The following DNAAF1 variants were observed in gnomAD, a reference collection of about 807,000 sequenced individuals.
The protein encoded by DNAAF1 is dynein assembly factor 1, axonemal.
In DNAAF1, 65 loss-of-function variants were observed where a neutral mutation model predicts 71.1. That is an observed-to-expected ratio of 0.91 (90% CI 0.75 to 1.12). DNAAF1 has a LOEUF of 1.12. Ranked by LOEUF, DNAAF1 falls within the 50% of genes most tolerant of loss-of-function variation. The pLI is 0.00. For missense variants in DNAAF1, 1,178 were observed against 899.8 expected (o/e 1.31, Z -3.96); for synonymous variants, 414 against 354.6 (o/e 1.17, Z -1.88).
chr16:84,152,395 G>C (rs563936286), intron 3 of DNAAF1, among the ~76,000 whole-genome samples: 1 of 152,300 alleles, frequency 6.6e-6, no homozygotes, highest in African/African-American at 2.4e-5. Flanking sequence ...GCTCACGCCT[G>C]TGATCCCAGC....
At chr16:84,176,497 CTGGG>C in intron 11 of DNAAF1, 198 bp downstream of exon 11, 2 of 844,252 alleles carry the variant, frequency 2.4e-6, no homozygotes, top group Non-Finnish European at 3.7e-6. Context: ...GGTAGCCAGC[CTGGG>C]CCAGGAAGCC....
At chr16:84,169,498 C>T (rs1306800551) in intron 7 of DNAAF1, among the ~76,000 whole-genome samples, 1 of 152,066 alleles carries the variant, frequency 6.6e-6, no homozygotes, top group Non-Finnish European at 1.5e-5. Context: ...TGGCTCACTG[C>T]AGCCTCCACC....
chr16:84,176,757 A>G (rs1469033863), intron 11 of DNAAF1: 1 of 252,486 alleles, frequency 4.0e-6, no homozygotes, highest in Admixed American at 4.7e-5. Context: ...ACAGTGACCC[A>G]GGCCCGGGTG....
chr16:84,161,683 A>G (rs2087723257), intron 6 of DNAAF1, among the ~76,000 whole-genome samples: 1 of 151,392 alleles, frequency 6.6e-6, no homozygotes, highest in Non-Finnish European at 1.5e-5. Context: ...CTGGCATTGA[A>G]TCTTAATCCA....
At chr16:84,159,229 A>G in intron 5 of DNAAF1, 1 of 1,055,996 alleles carries the variant, frequency 9.5e-7, no homozygotes, top group Non-Finnish European at 1.1e-6. Flanking sequence ...GGCACTCCCC[A>G]TCCTTTCCCT....
chr16:84,150,836 A>G (rs1217126007), intron 3 of DNAAF1, among the ~76,000 whole-genome samples: 1 of 150,528 alleles, frequency 6.6e-6, no homozygotes, highest in East Asian at 2.0e-4. Context: ...CTGGTCTCAA[A>G]CTCCTGAACC....
intron 9 of DNAAF1, chr16:84,173,156 A>G: frequency 2.0e-6 from 2 of 986,014 alleles, no homozygotes; most frequent in Non-Finnish European, 2.4e-6. Flanking sequence ...AGAATTTCAC[A>G]TGGCCCAGTA....
chr16:84,173,420 C>G lies in DNAAF1; in HGVS notation c.1644+1045C>G, dbSNP rs1052382351. The stretch of plus-strand genomic sequence containing the variant: ...TGGAGCTTGCAGTGAGCCGAGATCA[C>G]GCCACTGCACTCCAACCTGGGCGAC... On this transcript the variant is annotated intron_variant, in intron 9 of 11. Coordinates refer to ENST00000378553, the MANE Select transcript of DNAAF1 (RefSeq NM_178452.6). 16 of 883,156 alleles carry G rather than the reference C, an allele frequency of 1.8e-5. No homozygotes were observed. The Admixed American group carries it at 8.1e-4, about 45-fold the overall frequency. 54.7% of individuals were successfully genotyped at this position (883,156 alleles called of 1,614,324 possible).
At chr16:84,172,546 G>A (rs1002401903) in intron 9 of DNAAF1, 171 bp downstream of exon 9, 7 of 1,447,184 alleles carry the variant, frequency 4.8e-6, no homozygotes, top group Non-Finnish European at 6.4e-6. Flanking sequence ...CCTCACCCCA[G>A]GCCCACTGAT....
Position 84,145,369 on chromosome 16 carries a change from G to C in DNAAF1, c.-72G>C. The C allele has an allele frequency of 1.3e-6, 2 of 1,547,930 alleles. No homozygotes were observed. The highest frequency in any genetic ancestry group is 2.4e-5 in the South Asian group (2 of 84,192). On this transcript the variant is annotated 5_prime_UTR_variant, in exon 1 of 12. Transcript: ENST00000378553. ...AAGAGGGTACTCTCTGGCTGGGCTG[G>C]GGCCGTAGCGACGTCCGCCGCGAAC...
intron 5 of DNAAF1, among the ~76,000 whole-genome samples, chr16:84,156,654 C>G (rs1428549660): frequency 6.6e-6 from 1 of 152,172 alleles, no homozygotes; most frequent in Admixed American, 6.6e-5. Flanking sequence ...ATGAGTCACA[C>G]AATGACAACT....
At chr16:84,167,173 A>G (rs1238353985) in intron 7 of DNAAF1, among the ~76,000 whole-genome samples, 1 of 152,162 alleles carries the variant, frequency 6.6e-6, no homozygotes. Context: ...GAGAACACTT[A>G]TATTTTCTGG....
chr16:84,167,128 T>C (rs2088052294), intron 7 of DNAAF1, among the ~76,000 whole-genome samples: 1 of 152,110 alleles, frequency 6.6e-6, no homozygotes, highest in South Asian at 2.1e-4. Context: ...TCTCTTTGGG[T>C]TTGATAATTT....
chr16:84,158,516 G>A (rs1433602375), intron 5 of DNAAF1, among the ~76,000 whole-genome samples: 1 of 152,156 alleles, frequency 6.6e-6, no homozygotes, highest in Non-Finnish European at 1.5e-5. Flanking sequence ...CTGAGGGTTT[G>A]GACTTTAACA....
chr16:84,154,731 G>C lies in DNAAF1; in HGVS notation c.507G>C (p.Leu169=), dbSNP rs370128838. The change falls in exon 4 of 12, where the codon CTG becomes CTC. Residue 169 remains leucine, a synonymous_variant. Coordinates refer to ENST00000378553, the MANE Select transcript of DNAAF1 (RefSeq NM_178452.6). ...QMNLLRKIEN[L]EPLQKLDALN... is the part of the protein sequence containing the mutation. ...ACTTGCTCCGTAAAATTGAGAACCT[G>C]GAACCTCTGCAGAAACTGGATGCTC... 2.2e-4 allele frequency: 352 copies of C among 1,613,930 alleles called. No homozygotes were observed. Among genetic ancestry groups the C allele is most frequent in the Non-Finnish European group, 2.8e-4 (336 of 1,179,994 alleles).
At chr16:84,175,324 C>A in intron 10 of DNAAF1, 1 of 176,112 alleles carries the variant, frequency 5.7e-6, no homozygotes, top group Admixed American at 5.4e-5. Flanking sequence ...ATTTCTATGT[C>A]CATCCTATGA....
chr16:84,170,368 G>A lies in DNAAF1; in HGVS notation c.1528+12G>A, dbSNP rs765784723. On this transcript the variant is annotated intron_variant, in intron 8 of 11. Transcript: ENST00000378553. ...AGCTGCCAGGGAAGGTAATGTGAGC[G>A]GAGAAACACACACAGACACACACAC... is the stretch of plus-strand genomic sequence containing the variant. 113 of 1,613,428 alleles carry A rather than the reference G, an allele frequency of 7.0e-5. No individual in the cohort carries two copies. Among genetic ancestry groups the A allele is most frequent in the Non-Finnish European group, 8.6e-5 (101 of 1,180,022 alleles).
At chr16:84,146,015 T>C (rs1254154902) in intron 1 of DNAAF1, among the ~76,000 whole-genome samples, 1 of 152,102 alleles carries the variant, frequency 6.6e-6, no homozygotes, top group Non-Finnish European at 1.5e-5. Flanking sequence ...GAGAATCGCT[T>C]GAACCCGGGA....
At chr16:84,155,865 C>G (rs1462315925) in intron 5 of DNAAF1, 116 bp downstream of exon 5, 14 of 1,347,872 alleles carry the variant, frequency 1.0e-5, no homozygotes, top group Non-Finnish European at 1.4e-5. Flanking sequence ...TTCCCTTTTT[C>G]ACACTTTTTT....
Sources: allele counts gnomAD v4.1 joint callset (sites outside exome capture counted in the v4.1 genomes callset), GRCh38; gene constraint gnomAD v4.1.1; transcripts MANE v1.5; gene names NCBI Gene and HGNC (gene_info 2026-07-23, HGNC 2026-07-21).